Variants in NXF1 observed in about 807,000 individuals in gnomAD.
NXF1 encodes mRNA export factor TAP.
Under a neutral mutation model 92.4 loss-of-function variants are expected in NXF1, and 43 were observed. The ratio of observed to expected loss-of-function variants is 0.47; its 90% CI spans 0.36 to 0.60. The LOEUF (loss-of-function observed/expected upper bound fraction) is 0.60. NXF1 is among the 20% of genes least tolerant of loss of function. The probability of loss-of-function intolerance (pLI) is 0.00; values close to 1 mark genes in which losing one functional copy is unlikely to be tolerated. For missense variants in NXF1, 576 were observed against 793.0 expected, an observed-to-expected ratio of 0.73 and a Z score of 3.29; for synonymous variants, 288 against 292.2, an observed-to-expected ratio of 0.99 and a Z score of 0.15.
chr11:62,796,536 G>T lies in NXF1; in HGVS notation c.1210C>A (p.Gln404Lys). The T allele has an allele frequency of 6.2e-7, 1 of 1,613,908 alleles. No individual in the cohort carries two copies. The highest frequency in any genetic ancestry group is 8.5e-7 in the Non-Finnish European group (1 of 1,179,818). ...YYAIYDSGDR[Q>K]GLLDAYHDGA... The stretch of plus-strand genomic sequence containing the variant: ...TCATGGTAGGCATCCAGGAGCCCTT[G>T]TCGGTCTCCAGAGTCGTAAATTGCA... The change falls in exon 14 of 21, where the codon CAA (glutamine) becomes AAA (lysine). Residue 404 changes from glutamine (Q) to lysine (K), a missense_variant. By Grantham distance (53) the Gln-to-Lys change is moderately conservative. Transcript: ENST00000294172.
chr11:62,793,967 C>T (rs1404532573), intron 19 of NXF1, among the ~76,000 whole-genome samples: 1 of 151,150 alleles, frequency 6.6e-6, no homozygotes, highest in Non-Finnish European at 1.5e-5. Flanking sequence ...CACCACTGCA[C>T]TCCAGCCTGG....
intron 13 of NXF1, 129 bp from the exon 14 acceptor site, chr11:62,796,696 C>A (rs1565198545): frequency 1.5e-6 from 1 of 656,344 alleles, no homozygotes; most frequent in Non-Finnish European, 2.7e-6. Context: ...CTTTGGGAGG[C>A]TGAGATGGGT....
At chr11:62,800,803 C>T (rs936131376) in intron 9 of NXF1, among the ~76,000 whole-genome samples, 1 of 151,992 alleles carries the variant, frequency 6.6e-6, no homozygotes, top group Non-Finnish European at 1.5e-5. Context: ...TTTTTTGAGA[C>T]AGGTTGCTCA....
At position 62,801,144 on chromosome 11, in the gene NXF1, T is replaced by C; in HGVS notation, c.856A>G (p.Ile286Val). 1 of 1,614,190 alleles carries C rather than the reference T, an allele frequency of 6.2e-7. No homozygotes were observed. The highest frequency in any genetic ancestry group is 8.5e-7 in the Non-Finnish European group (1 of 1,180,024). ...TTCAGGTTGGGTGCCTTCTGAACAA[T>C]GCTAGACATGTCATCCAGCCTGTAC... ...RLYRLDDMSS[I>V]VQKAPNLKIL... Residue 286 changes from isoleucine to valine, a missense_variant, in exon 9 of 21, where the codon ATT (isoleucine) becomes GTT (valine). Transcript: ENST00000294172.
At position 62,803,955 on chromosome 11, in the gene NXF1, A is replaced by G. The variant is rs1179700502; in HGVS notation, c.52T>C (p.Phe18Leu). 2.5e-6 allele frequency: 4 copies of G among 1,613,860 alleles called. No homozygotes were observed. Among genetic ancestry groups the G allele is most frequent in the Non-Finnish European group, 3.4e-6 (4 of 1,179,960 alleles). ...CGGCCTTTCTTCTTTCTTTGAGGGA[A>G]ATTAACGCGTTCATCATCGTGTTCT... ...YSEHDDERVNFPQRKKKGRGP... is the reference protein window; with the variant it reads ...YSEHDDERVNLPQRKKKGRGP... The change falls in exon 2 of 21, where the codon TTC (phenylalanine) becomes CTC (leucine). Residue 18 changes from phenylalanine to leucine, a missense_variant. By Grantham distance (22) the Phe-to-Leu change is conservative. Coordinates refer to ENST00000294172, the MANE Select transcript of NXF1 (RefSeq NM_006362.5).
Position 62,801,787 on chromosome 11 carries a change from G to A in NXF1, c.591C>T (p.Pro197=). Residue 197 remains proline, a synonymous_variant, in exon 6 of 21, where the codon CCC becomes CCT. Coordinates refer to ENST00000294172, the MANE Select transcript of NXF1 (RefSeq NM_006362.5). ...GCTTCAGTTCATTCAGTATAGTGTG[G>A]GGTGGAGCAGAAGAGTTGATGATGA... The part of the protein sequence containing the change: ...ISIIINSSAP[P]HTILNELKPE... 6.2e-7 allele frequency: 1 copy of A among 1,613,932 alleles called. No homozygotes were observed. Among genetic ancestry groups the A allele is most frequent in the South Asian group, 1.1e-5 (1 of 91,074 alleles).
chr11:62,793,874 G>C (rs540308714), intron 19 of NXF1, among the ~76,000 whole-genome samples: 4 of 149,828 alleles, frequency 2.7e-5, no homozygotes, highest in Non-Finnish European at 5.9e-5. Context: ...GGTGGTGTGT[G>C]CCTGTAATCC....
intron 3 of NXF1, 92 bp from the exon 4 acceptor site, chr11:62,802,352 T>C (rs1472210837): frequency 1.0e-6 from 1 of 1,001,130 alleles, no homozygotes. Flanking sequence ...TACCAAACTT[T>C]TAAAGACTAT....
At chr11:62,795,715 G>T (rs1358733304) in intron 17 of NXF1, among the ~76,000 whole-genome samples, 186 bp downstream of exon 17, 2 of 152,120 alleles carry the variant, frequency 1.3e-5, no homozygotes, top group Non-Finnish European at 2.9e-5. Flanking sequence ...TAATCCCCAG[G>T]CTTTTCCCAC....
intron 17 of NXF1, 24 bp from the exon 18 acceptor site, chr11:62,795,031 C>T (rs1329682985): frequency 1.2e-6 from 2 of 1,607,812 alleles, no homozygotes; most frequent in Admixed American, 1.7e-5. Context: ...AGCAACAACA[C>T]CTTAGGGTCA....
intron 9 of NXF1, 119 bp from the exon 10 acceptor site, chr11:62,800,605 CTTT>C (rs569196618): frequency 0.018 from 8,577 of 471,872 alleles, no homozygotes; most frequent in South Asian, 0.026. Context: ...AAAATTTTTT[CTTT>C]TTTTTTTTTT....
chr11:62,805,368 G>T lies in NXF1; in HGVS notation c.-12C>A, dbSNP rs751392080. Reference sequence around the variant, plus strand: ...CCCTCGTCCGCCATGCCACAGCGAAGATCAAGGGCGGGCTCAGGCGCTGGC... The same window carrying T: ...CCCTCGTCCGCCATGCCACAGCGAATATCAAGGGCGGGCTCAGGCGCTGGC... On this transcript the variant is annotated 5_prime_UTR_variant, in exon 1 of 21. Coordinates refer to ENST00000294172, the MANE Select transcript of NXF1 (RefSeq NM_006362.5). The T allele has an allele frequency of 6.2e-7, 1 of 1,611,340 alleles. No homozygotes were observed. The highest frequency in any genetic ancestry group is 8.5e-7 in the Non-Finnish European group (1 of 1,178,842).
intron 1 of NXF1, 33 bp from the exon 2 acceptor site, chr11:62,804,011 T>C: frequency 6.2e-7 from 1 of 1,606,704 alleles, no homozygotes; most frequent in East Asian, 2.2e-5. Flanking sequence ...AAATTAGAAG[T>C]AAGTAACTGG....
At chr11:62,804,320 T>A (rs1410021641) in intron 1 of NXF1, 5 of 752,786 alleles carry the variant, frequency 6.6e-6, no homozygotes, top group Non-Finnish European at 9.5e-6. Context: ...ACTTTGTCTA[T>A]ACAGTGCAGA....
intron 1 of NXF1, 36 bp downstream of exon 1, chr11:62,805,293 A>G (rs1252064175): frequency 1.3e-6 from 2 of 1,589,268 alleles, no homozygotes; most frequent in Admixed American, 1.8e-5. Flanking sequence ...CCCGCGCCCC[A>G]GATAGCCAGT....
intron 10 of NXF1, 152 bp downstream of exon 10, chr11:62,800,225 G>C (rs773136750): frequency 2.7e-4 from 389 of 1,456,832 alleles, no homozygotes; most frequent in Non-Finnish European, 3.5e-4. Flanking sequence ...GACACAGACA[G>C]ACCAAAGTGG....
chr11:62,801,104 GA>G lies in NXF1; in HGVS notation c.895del (p.Ser299LeufsTer5). ...GCTATCAATTCTCACTTCATTTCCA[GA>G]AAGGTTTAGGATCTTCAGGTTGGGT... Reference protein sequence around the residue: ...KAPNLKILNLSGNELKSEREL... With the variant: ...KAPNLKILNLXGNELKSEREL... On this transcript the variant is annotated frameshift_variant, in exon 9 of 21. Coordinates refer to ENST00000294172, the MANE Select transcript of NXF1 (RefSeq NM_006362.5). 1 of 1,613,238 alleles carries G rather than the reference GA, an allele frequency of 6.2e-7. No individual in the cohort carries two copies.
Position 62,801,421 on chromosome 11 carries a change from C to G in NXF1, c.710-4G>C. ...TCAATGTTCTGGGCCACCAAATCTT[C>G]AGGAAGCAGAAGGGAAGGAAAGGGA... On this transcript the variant is annotated splice_polypyrimidine_tract_variant and splice_region_variant and intron_variant, in intron 7 of 20. Transcript: ENST00000294172. 6.2e-7 allele frequency: 1 copy of G among 1,614,022 alleles called. No homozygotes were observed. The highest frequency in any genetic ancestry group is 8.5e-7 in the Non-Finnish European group (1 of 1,179,956).
intron 1 of NXF1, 112 bp downstream of exon 1, chr11:62,805,217 C>A: frequency 1.9e-6 from 2 of 1,059,400 alleles, no homozygotes; most frequent in Non-Finnish European, 2.5e-6. Context: ...CGCGCCGCTC[C>A]CCGCGGACGC....
Sources: gnomAD v4.1 joint callset for allele counts (sites outside exome capture counted in the v4.1 genomes callset) on GRCh38, gnomAD v4.1.1 for gene constraint, MANE v1.5 for transcripts, NCBI Gene and HGNC (gene_info 2026-07-23, HGNC 2026-07-21) for gene names.